The following ARMC3 variants were observed in gnomAD, a reference collection of about 807,000 sequenced individuals.
ARMC3 encodes the protein armadillo repeat containing 3.
In ARMC3, 74 loss-of-function variants were observed where a neutral mutation model predicts 90.3. That is an observed-to-expected ratio of 0.82 (90% CI 0.68 to 0.99). The LOEUF is 0.99. ARMC3 is among the 50% of genes least tolerant of loss of function. The pLI, the probability that ARMC3 is intolerant of heterozygous loss-of-function variation, is 0.00. For synonymous variants in ARMC3, 334 were observed against 361.8 expected, an observed-to-expected ratio of 0.92 and a Z score of 0.87; for missense variants, 958 against 1,042.8, an observed-to-expected ratio of 0.92 and a Z score of 1.12.
At chr10:22,987,157 C>T (rs1188330471) in intron 10 of ARMC3, among the ~76,000 whole-genome samples, 1 of 152,046 alleles carries the variant, frequency 6.6e-6, no homozygotes, top group Admixed American at 6.5e-5. Context: ...ACGAGAAAAC[C>T]GTTTATTTTT....
intron 1 of ARMC3, among the ~76,000 whole-genome samples, chr10:22,928,690 C>T (rs1039250098): frequency 6.6e-6 from 1 of 152,184 alleles, no homozygotes; most frequent in Non-Finnish European, 1.5e-5. Context: ...TCAGCCCTGT[C>T]CATATTTCCA....
chr10:23,035,135 C>A (rs10828400), intron 18 of ARMC3, among the ~76,000 whole-genome samples: 78,965 of 151,976 alleles, frequency 0.52, 23,040 homozygotes, highest in Non-Finnish European at 0.64. Context: ...TTGCAGACAG[C>A]CACCTTCTTG....
In ARMC3 at chr10:23,002,572, TTC is replaced by T. The variant is rs749616939; in HGVS notation, c.1562+519_1562+520del. On this transcript the variant is annotated intron_variant, in intron 12 of 18. Coordinates refer to ENST00000298032, the MANE Select transcript of ARMC3 (RefSeq NM_173081.5). ...TCTCTTTCTTTCTTTCTTTCTTTCT[TTC>T]TTTCTTTCTTTTTCTTTCTTTTCTT... 7.5e-4 allele frequency among the ~76,000 whole-genome samples: 66 copies of T among 87,566 alleles called. No individual in the cohort carries two copies. The East Asian group carries it at 0.013, about 17-fold the overall frequency. The allele number at this position is 87,566 out of a possible 152,430, so 57.4% of individuals were successfully genotyped here.
At chr10:22,958,896 T>C (rs905856356) in intron 4 of ARMC3, among the ~76,000 whole-genome samples, 174 bp from the exon 5 acceptor site, 1 of 152,038 alleles carries the variant, frequency 6.6e-6, no homozygotes. Context: ...TAATTTTTGT[T>C]ATTTTTAGTA....
intron 10 of ARMC3, among the ~76,000 whole-genome samples, chr10:22,985,649 G>A (rs181487725): frequency 2.6e-5 from 4 of 152,210 alleles, no homozygotes; most frequent in African/African-American, 9.6e-5. Context: ...GATAATTCTC[G>A]TGTATGTTGT....
chr10:23,034,545 A>G (rs185133480), intron 18 of ARMC3, among the ~76,000 whole-genome samples: 107 of 152,284 alleles, frequency 7.0e-4, no homozygotes, highest in African/African-American at 2.5e-3. Flanking sequence ...TAAAAGACCT[A>G]CCACACTGCT....
In ARMC3 at chr10:23,014,426, T is replaced by G. The variant is rs995097678; in HGVS notation, c.2045+5495T>G. The G allele has an allele frequency of 2.7e-5, 31 of 1,128,250 alleles. No individual in the cohort carries two copies. In the African/African-American group the frequency reaches 4.7e-4, roughly 17 times the overall value. 69.9% of individuals were successfully genotyped at this position (1,128,250 alleles called of 1,614,324 possible). A position where few individuals can be genotyped will look rare whatever the true frequency, so the allele number is the denominator to read the frequency against. On this transcript the variant is annotated intron_variant, in intron 16 of 18. Transcript: ENST00000298032. ...CTTTTGGTCAACCCTTCTTGTCTTA[T>G]GACTATTAAAACTTTGGACTCCTGG... is the stretch of plus-strand genomic sequence containing the variant.
intron 16 of ARMC3, among the ~76,000 whole-genome samples, chr10:23,018,277 A>G (rs993352): frequency 0.83 from 126,705 of 152,092 alleles, 53,103 homozygotes; most frequent in Non-Finnish European, 0.86. Context: ...CTGTGGTCAC[A>G]GCTGGGGTTG....
chr10:23,034,607 G>C (rs1331739532), intron 18 of ARMC3, among the ~76,000 whole-genome samples: 2 of 152,150 alleles, frequency 1.3e-5, no homozygotes, highest in East Asian at 3.9e-4. Flanking sequence ...AGTCATCTTA[G>C]CTCCTTGTCA....
At chr10:22,972,124 C>A (rs1407567696) in intron 8 of ARMC3, among the ~76,000 whole-genome samples, 1 of 152,122 alleles carries the variant, frequency 6.6e-6, no homozygotes, top group Non-Finnish European at 1.5e-5. Context: ...AACAGTTTCT[C>A]CCATTCTGTG....
chr10:22,937,297 G>A (rs911892645), intron 2 of ARMC3, among the ~76,000 whole-genome samples: 5 of 152,024 alleles, frequency 3.3e-5, no homozygotes, highest in Admixed American at 2.0e-4. Flanking sequence ...ATGTATTTTC[G>A]TATACTCTAC....
intron 3 of ARMC3, chr10:22,946,634 A>G (rs531320807): frequency 6.4e-6 from 1 of 155,650 alleles, no homozygotes; most frequent in Non-Finnish European, 1.4e-5. Context: ...CCATACTGAT[A>G]TAAATAAAAT....
intron 16 of ARMC3, among the ~76,000 whole-genome samples, chr10:23,010,578 C>T (rs2131486958): frequency 1.6e-5 from 2 of 125,464 alleles, no homozygotes; most frequent in Non-Finnish European, 1.7e-5. Flanking sequence ...TCTCCCCTCT[C>T]TTTCCCTTCC....
At chr10:22,974,502 AAC>A (rs1835829769) in intron 8 of ARMC3, among the ~76,000 whole-genome samples, 1 of 152,148 alleles carries the variant, frequency 6.6e-6, no homozygotes, top group East Asian at 1.9e-4. Context: ...AACTTTTATA[AAC>A]AGTTATTTTA....
At position 22,981,792 on chromosome 10, in the gene ARMC3, C is replaced by T. The variant is rs1235098036; in HGVS notation, c.1175+92C>T. 3.7e-6 allele frequency: 4 copies of T among 1,071,102 alleles called. No individual in the cohort carries two copies. In the East Asian group the frequency reaches 1.0e-4, roughly 28 times the overall value. 66.3% of individuals were successfully genotyped at this position (1,071,102 alleles called of 1,614,324 possible). A position where few individuals can be genotyped will look rare whatever the true frequency, so the allele number is the denominator to read the frequency against. Reference sequence around the variant, plus strand: ...TTAGTATATTGACTTTCACGATAGTCTATGAATTTCTTCAGATGGTCTATC... The same window carrying T: ...TTAGTATATTGACTTTCACGATAGTTTATGAATTTCTTCAGATGGTCTATC... On this transcript the variant is annotated intron_variant, in intron 10 of 18. Coordinates refer to ENST00000298032, the MANE Select transcript of ARMC3 (RefSeq NM_173081.5).
intron 3 of ARMC3, among the ~76,000 whole-genome samples, chr10:22,953,396 A>G (rs1314551107): frequency 6.6e-6 from 1 of 152,182 alleles, no homozygotes; most frequent in Non-Finnish European, 1.5e-5. Context: ...ATAAGAAAAA[A>G]ATATATTTTT....
At chr10:23,033,909 C>G (rs1160740136) in intron 18 of ARMC3, among the ~76,000 whole-genome samples, 3 of 152,114 alleles carry the variant, frequency 2.0e-5, no homozygotes, top group Non-Finnish European at 4.4e-5. Flanking sequence ...GGGGACATCA[C>G]AGAAGGATCA....
At chr10:22,987,136 G>A (rs1836484526) in intron 10 of ARMC3, among the ~76,000 whole-genome samples, 1 of 152,098 alleles carries the variant, frequency 6.6e-6, no homozygotes, top group Admixed American at 6.5e-5. Context: ...AATTTGTAAT[G>A]CCTTTTGAAA....
intron 1 of ARMC3, among the ~76,000 whole-genome samples, chr10:22,929,402 C>T (rs889063127): frequency 5.9e-5 from 9 of 152,058 alleles, no homozygotes; most frequent in Non-Finnish European, 1.2e-4. Context: ...TTATTTTATT[C>T]GTTGTGCCCT....
Sources: gnomAD v4.1 joint callset for allele counts (sites outside exome capture counted in the v4.1 genomes callset) on GRCh38, gnomAD v4.1.1 for gene constraint, MANE v1.5 for transcripts, NCBI Gene and HGNC (gene_info 2026-07-23, HGNC 2026-07-21) for gene names.